SERGEF: variants seen among roughly 807,000 people sequenced by gnomAD.
The protein encoded by SERGEF is secretion-regulating guanine nucleotide exchange factor.
SERGEF carries 51 observed loss-of-function variants against 50.0 expected under a neutral mutation model. The observed-to-expected ratio is 1.02, with a 90% CI of 0.81 to 1.29. The LOEUF (loss-of-function observed/expected upper bound fraction) is 1.29. Among genes scored for constraint, SERGEF ranks in the 50% most tolerant of loss-of-function variants. SERGEF has a pLI of 0.00. For missense variants in SERGEF, 521 were observed against 557.0 expected, an observed-to-expected ratio of 0.94 and a Z score of 0.65; for synonymous variants, 205 against 212.4, an observed-to-expected ratio of 0.97 and a Z score of 0.30.
intron 10 of SERGEF, among the ~76,000 whole-genome samples, chr11:17,859,656 A>G (rs926695628): frequency 2.0e-5 from 3 of 152,208 alleles, no homozygotes; most frequent in African/African-American, 4.8e-5. Context: ...CAAAACACTG[A>G]AGTAAAGAGA....
intron 9 of SERGEF, among the ~76,000 whole-genome samples, chr11:17,898,540 T>C (rs1565198628): frequency 6.6e-6 from 1 of 152,178 alleles, no homozygotes; most frequent in South Asian, 2.1e-4. Context: ...AGTAGATGCT[T>C]ACATGATGGT....
At chr11:17,968,633 A>G (rs555789775) in intron 8 of SERGEF, among the ~76,000 whole-genome samples, 1 of 151,894 alleles carries the variant, frequency 6.6e-6, no homozygotes, top group South Asian at 2.1e-4. Flanking sequence ...AAGCCTAGGA[A>G]TTCAAGGTTG....
Position 18,013,016 on chromosome 11 carries a change from G to C in SERGEF, c.-6C>G, listed in dbSNP as rs1854235014. 1 of 1,381,664 alleles carries C rather than the reference G, an allele frequency of 7.2e-7. No homozygotes were observed. The allele number at this position is 1,381,664 out of a possible 1,614,324, so 85.6% of individuals were successfully genotyped here. A position where few individuals can be genotyped will look rare whatever the true frequency, so the allele number is the denominator to read the frequency against. The stretch of plus-strand genomic sequence containing the variant: ...GCGCTGGGCTCGCGCTCCATGCGAG[G>C]ACGCTCCGCCGGCGCTTCCGGGAGG... On this transcript the variant is annotated 5_prime_UTR_variant, in exon 1 of 11. Transcript: ENST00000265965. This position sits in a 1 kb window ranked among gnomAD's most constrained non-coding sequence, Gnocchi z 4.3.
chr11:17,911,622 G>A (rs1336618914), intron 9 of SERGEF, among the ~76,000 whole-genome samples: 1 of 151,518 alleles, frequency 6.6e-6, no homozygotes, highest in Non-Finnish European at 1.5e-5. Context: ...CAAGTAGTTG[G>A]GACTACAGGT....
At chr11:17,959,758 T>C in intron 8 of SERGEF, 122 bp from the exon 9 acceptor site, 1 of 826,274 alleles carries the variant, frequency 1.2e-6, no homozygotes. Flanking sequence ...AGCCTTCCTA[T>C]CTTCCTGTAA....
rs572550574 is a variant in SERGEF, at chr11:17,981,607, T to C, written c.844+6990A>G. Among the ~76,000 whole-genome samples the C allele has an allele frequency of 2.1e-4, 32 of 152,306 alleles. No homozygotes were observed. The South Asian group carries it at 3.5e-3, about 17-fold the overall frequency. ...AGAACATGGATGTGAAAGTACTTTA[T>C]AGTAATAAAGGTGGTCCGTGAGAGT... is the stretch of plus-strand genomic sequence containing the variant. On this transcript the variant is annotated intron_variant, in intron 8 of 10. Transcript: ENST00000265965.
intron 9 of SERGEF, among the ~76,000 whole-genome samples, chr11:17,926,579 C>A (rs2133943827): frequency 6.6e-6 from 1 of 152,296 alleles, no homozygotes; most frequent in South Asian, 2.1e-4. Context: ...CATTCCTGCC[C>A]TGATCTTGTT....
At chr11:17,984,899 A>G (rs1047149163) in intron 8 of SERGEF, among the ~76,000 whole-genome samples, 2 of 152,248 alleles carry the variant, frequency 1.3e-5, no homozygotes, top group African/African-American at 2.4e-5. Context: ...CACTGCTCTC[A>G]TGTAATTTAC....
chr11:17,859,708 A>C (rs1278280434), intron 10 of SERGEF, among the ~76,000 whole-genome samples: 3 of 152,202 alleles, frequency 2.0e-5, no homozygotes, highest in African/African-American at 7.2e-5. Flanking sequence ...GCAACGTACA[A>C]AGAAACAGGA....
chr11:17,855,628 T>C (rs1850804102), intron 10 of SERGEF: 1 of 152,246 alleles, frequency 6.6e-6, no homozygotes, highest in South Asian at 2.1e-4. Flanking sequence ...ATCACGCTAC[T>C]CAAAATGTGA....
chr11:17,889,050 G>A (rs1466727799), intron 9 of SERGEF, among the ~76,000 whole-genome samples: 1 of 152,146 alleles, frequency 6.6e-6, no homozygotes, highest in East Asian at 1.9e-4. Flanking sequence ...TAGATAGATA[G>A]GGAAGCAGGG....
At chr11:17,954,887 G>A (rs1293938658) in intron 9 of SERGEF, among the ~76,000 whole-genome samples, 1 of 152,192 alleles carries the variant, frequency 6.6e-6, no homozygotes, top group Non-Finnish European at 1.5e-5. Flanking sequence ...AGCCTCTCTG[G>A]CCTCAGTTTC....
chr11:17,790,806 C>T (rs919484485), intron 10 of SERGEF, among the ~76,000 whole-genome samples: 2 of 152,190 alleles, frequency 1.3e-5, no homozygotes, highest in Admixed American at 1.3e-4. Flanking sequence ...CCTTTAGACT[C>T]TTGCCATTCT....
intron 10 of SERGEF, among the ~76,000 whole-genome samples, chr11:17,851,208 C>T (rs1850706849): frequency 3.3e-5 from 5 of 152,012 alleles, no homozygotes; most frequent in Admixed American, 3.3e-4. Flanking sequence ...GAGACGGGTG[C>T]TATTATCTCC....
chr11:17,815,836 C>T (rs189905968), intron 10 of SERGEF, among the ~76,000 whole-genome samples: 112 of 152,136 alleles, frequency 7.4e-4, no homozygotes, highest in Non-Finnish European at 9.9e-4. Flanking sequence ...GCAGGAGAAT[C>T]GCTTGAACCC....
At chr11:17,886,474 T>G (rs183966830) in intron 9 of SERGEF, among the ~76,000 whole-genome samples, 20 of 152,014 alleles carry the variant, frequency 1.3e-4, no homozygotes, top group African/African-American at 4.1e-4. Context: ...TAGCCCGGCG[T>G]GGTGAAGTGT....
chr11:18,006,913 G>C (rs1262359932), intron 2 of SERGEF, among the ~76,000 whole-genome samples, 167 bp from the exon 3 acceptor site: 1 of 152,214 alleles, frequency 6.6e-6, no homozygotes, highest in East Asian at 1.9e-4. Context: ...AACAACACAA[G>C]GCCAAGGGCC....
intron 8 of SERGEF, among the ~76,000 whole-genome samples, chr11:17,971,044 C>T (rs1853238565): frequency 6.6e-6 from 1 of 151,804 alleles, no homozygotes; most frequent in Non-Finnish European, 1.5e-5. Context: ...AATACAAAAA[C>T]TTAGCCAGGT....
chr11:17,952,842 G>A (rs901008943), intron 9 of SERGEF, among the ~76,000 whole-genome samples: 4 of 151,968 alleles, frequency 2.6e-5, no homozygotes, highest in African/African-American at 4.8e-5. Flanking sequence ...TCCAACCTCC[G>A]TGACCTCCCT....
Sources: allele counts gnomAD v4.1 joint callset (sites outside exome capture counted in the v4.1 genomes callset), GRCh38; gene constraint gnomAD v4.1.1; non-coding constraint Gnocchi (gnomAD v3.1); transcripts MANE v1.5; gene names NCBI Gene and HGNC (gene_info 2026-07-23, HGNC 2026-07-21).